Variants in HGFAC observed in about 807,000 individuals in gnomAD.
The protein encoded by HGFAC is HGF activator.
Under a neutral mutation model 70.6 loss-of-function variants are expected in HGFAC, and 76 were observed. The ratio of observed to expected loss-of-function variants is 1.08; its 90% confidence interval spans 0.89 to 1.30. The LOEUF (loss-of-function observed/expected upper bound fraction) is 1.30. Among genes scored for constraint, HGFAC ranks in the 50% most tolerant of loss-of-function variants. The probability of loss-of-function intolerance (pLI) is 0.00; values close to 1 mark genes in which losing one functional copy is unlikely to be tolerated. For missense variants in HGFAC, 1,044 were observed against 933.7 expected (o/e 1.12, Z -1.54); for synonymous variants, 464 against 405.3 (o/e 1.14, Z -1.74).
intron 11 of HGFAC, 96 bp from the exon 12 acceptor site, chr4:3,447,799 T>C: frequency 1.3e-6 from 2 of 1,547,606 alleles, no homozygotes; most frequent in East Asian, 4.5e-5. Context: ...GGCTGCCCTG[T>C]GGACCCCACT....
chr4:3,442,939 T>C (rs1577123120), intron 2 of HGFAC, 27 bp downstream of exon 2: 4 of 1,552,744 alleles, frequency 2.6e-6, no homozygotes, highest in Non-Finnish European at 3.5e-6. Flanking sequence ...TGGGAGGAGG[T>C]GTCGTGCTTC....
rs564795454 is a variant in HGFAC, at chr4:3,446,949, G to C, written c.1356-543G>C. 2.1e-3 allele frequency among the ~76,000 whole-genome samples: 326 copies of C among 152,338 alleles called. 2 individuals are homozygous for C. The highest frequency in any genetic ancestry group is 7.5e-3 in the African/African-American group (311 of 41,590). ...AGAACCTGCAGCCGGCGGCTCCTGG[G>C]CCTGCAAATGGGGCCAGAGCCTTCC... On this transcript the variant is annotated intron_variant, in intron 10 of 13. Coordinates refer to ENST00000382774, the MANE Select transcript of HGFAC (RefSeq NM_001528.4).
chr4:3,441,513 C>T (rs1383532611), upstream of HGFAC, among the ~76,000 whole-genome samples: 3 of 152,130 alleles, frequency 2.0e-5, no homozygotes, highest in Admixed American at 2.0e-4. The surrounding 1 kb of genome is among the most constrained non-coding windows in gnomAD (Gnocchi z 6.0). Context: ...CCCAGTGCTG[C>T]CGTCTGTGGG....
At chr4:3,447,166 T>C (rs1289542636) in intron 10 of HGFAC, among the ~76,000 whole-genome samples, 1 of 152,126 alleles carries the variant, frequency 6.6e-6, no homozygotes, top group Non-Finnish European at 1.5e-5. Flanking sequence ...AGGCCAGGTC[T>C]CCACCCACTC....
In HGFAC at chr4:3,447,939, T is replaced by C. The variant is rs1334234994; in HGVS notation, c.1540T>C (p.Ser514Pro). 1 of 1,607,150 alleles carries C rather than the reference T, an allele frequency of 6.2e-7. No homozygotes were observed. Among genetic ancestry groups the C allele is most frequent in the Non-Finnish European group, 8.5e-7 (1 of 1,177,476 alleles). Residue 514 changes from serine (S) to proline (P), a missense_variant, in exon 12 of 14, where the codon TCG becomes CCG. By Grantham distance (74) the Ser-to-Pro change is moderately conservative (BLOSUM62 -1). Coordinates refer to ENST00000382774, the MANE Select transcript of HGFAC (RefSeq NM_001528.4). The part of the protein sequence containing the change: ...KKKGDRCATR[S>P]QFVQPICLPE... ...GAAAGGGGACCGCTGTGCCACACGC[T>C]CGCAGTTCGTGCAGCCCATCTGCCT...
Position 3,442,750 on chromosome 4 carries a change from G to T in HGFAC, c.136G>T (p.Glu46Ter). 6.6e-7 allele frequency: 1 copy of T among 1,512,316 alleles called. No homozygotes were observed. The highest frequency in any genetic ancestry group is 8.8e-7 in the Non-Finnish European group (1 of 1,132,504). The allele number at this position is 1,512,316 out of a possible 1,614,324, so 93.7% of individuals were successfully genotyped here. ...QPGGNRTESPEPNATATPAIP... is the reference protein window; with the variant it reads ...QPGGNRTESP ...CTCCTAGAACCGTACGGAGTCCCCA[G>T]AACCTAATGCCACAGCGACCCCTGC... Residue 46 changes from glutamate to a stop codon, truncating the protein, a stop_gained, in exon 2 of 14, where the codon GAA (glutamate) becomes TAA (stop). Transcript: ENST00000382774. LOFTEE classifies it high-confidence loss of function.
Position 3,444,071 on chromosome 4 carries a change from C to T in HGFAC, c.508C>T (p.Leu170Phe), listed in dbSNP as rs760704550. Reference protein sequence around the residue: ...ALDPCASGPCLNGGSCSNTQD... With the variant: ...ALDPCASGPCFNGGSCSNTQD... ...GGATCCCTGTGCCTCCGGCCCCTGC[C>T]TCAATGGAGGCTCCTGCTCCAATAC... The change falls in exon 5 of 14, where the codon CTC becomes TTC. Residue 170 changes from leucine to phenylalanine, a missense_variant. By Grantham distance (22) the Leu-to-Phe change is conservative. Transcript: ENST00000382774. The T allele has an allele frequency of 1.6e-5, 26 of 1,610,744 alleles. No homozygotes were observed. The highest frequency in any genetic ancestry group is 2.0e-5 in the Non-Finnish European group (24 of 1,179,142).
At chr4:3,443,818 C>T (rs1725396271) in intron 4 of HGFAC, among the ~76,000 whole-genome samples, 1 of 152,038 alleles carries the variant, frequency 6.6e-6, no homozygotes, top group African/African-American at 2.4e-5. Context: ...GCCACGTGCA[C>T]AGCTGGGCCA....
chr4:3,443,246 G>C, intron 3 of HGFAC, 95 bp from the exon 4 acceptor site: 1 of 1,336,718 alleles, frequency 7.5e-7, no homozygotes. Context: ...CCACGCAGCA[G>C]GCGGACCCAG....
At chr4:3,446,389 C>A in intron 10 of HGFAC, 95 bp downstream of exon 10, 1 of 1,448,876 alleles carries the variant, frequency 6.9e-7, no homozygotes, top group Non-Finnish European at 9.2e-7. Context: ...CGGACCCCAT[C>A]CCGGTGCCTC....
rs755654965 is a variant in HGFAC at position 3,449,358 on chromosome 4, A to G, written c.1907A>G (p.Asn636Ser). 6.2e-7 allele frequency: 1 copy of G among 1,607,946 alleles called. No homozygotes were observed. The highest frequency in any genetic ancestry group is 1.7e-5 in the Admixed American group (1 of 59,512). Residue 636 changes from asparagine to serine, a missense_variant, in exon 14 of 14, where the codon AAC becomes AGC. Asn to Ser is a conservative substitution (Grantham distance 46). Transcript: ENST00000382774. ...CCGGGGGTCTACACCCGCGTGGCCAACTATGTGGACTGGATCAACGACCGG... is the reference window on the plus strand; with the variant it reads ...CCGGGGGTCTACACCCGCGTGGCCAGCTATGTGGACTGGATCAACGACCGG... ...HKPGVYTRVA[N>S]YVDWINDRIR... is the part of the protein sequence containing the mutation.
At position 3,447,932 on chromosome 4, in the gene HGFAC, C is replaced by A; in HGVS notation, c.1533C>A (p.Ala511=). Residue 511 remains alanine, a synonymous_variant, in exon 12 of 14, where the codon GCC becomes GCA. Coordinates refer to ENST00000382774, the MANE Select transcript of HGFAC (RefSeq NM_001528.4). Reference sequence around the variant, plus strand: ...TGAAGAAGAAAGGGGACCGCTGTGCCACACGCTCGCAGTTCGTGCAGCCCA... The same window carrying A: ...TGAAGAAGAAAGGGGACCGCTGTGCAACACGCTCGCAGTTCGTGCAGCCCA... ...IRLKKKGDRC[A]TRSQFVQPIC... is the part of the protein sequence containing the mutation. The A allele has an allele frequency of 2.5e-6, 4 of 1,608,430 alleles. No homozygotes were observed. Among genetic ancestry groups the A allele is most frequent in the Non-Finnish European group, 3.4e-6 (4 of 1,178,074 alleles).
At chr4:3,447,451 G>A in intron 10 of HGFAC, 41 bp from the exon 11 acceptor site, 1 of 1,607,356 alleles carries the variant, frequency 6.2e-7, no homozygotes, top group Non-Finnish European at 8.5e-7. Context: ...CGGTGGCTGG[G>A]GGAGGGCTGG....
chr4:3,447,750 G>A, intron 11 of HGFAC, 119 bp downstream of exon 11: 1 of 1,535,924 alleles, frequency 6.5e-7, no homozygotes, highest in South Asian at 1.2e-5. Context: ...TGGGGGCAGG[G>A]CAGGGAGGAC....
intron 9 of HGFAC, chr4:3,445,624 C>T (rs1187089774): frequency 2.5e-5 from 15 of 602,180 alleles, no homozygotes; most frequent in Non-Finnish European, 4.1e-5. Context: ...CCGCAGAAGC[C>T]TTTCAGGGAG....
chr4:3,444,771 G>A, intron 7 of HGFAC, 38 bp downstream of exon 7: 2 of 1,577,342 alleles, frequency 1.3e-6, no homozygotes, highest in Non-Finnish European at 8.6e-7. Flanking sequence ...CTGGGGCAGT[G>A]CCGGGTGGAC....
upstream of HGFAC, chr4:3,441,851 G>T: frequency 1.9e-6 from 1 of 520,202 alleles, no homozygotes; most frequent in Admixed American, 4.3e-5. The surrounding 1 kb of genome is among the most constrained non-coding windows in gnomAD (Gnocchi z 6.0). Context: ...CAGCAGGTGT[G>T]GGGGCCAGGG....
At chr4:3,445,424 C>G in intron 9 of HGFAC, 74 bp downstream of exon 9, 1 of 1,019,872 alleles carries the variant, frequency 9.8e-7, no homozygotes, top group South Asian at 1.4e-5. Flanking sequence ...TCCTCCTAGC[C>G]CCTCCGCACA....
Position 3,446,146 on chromosome 4 carries a change from T to C in HGFAC, c.1207T>C (p.Phe403Leu). 1 of 1,611,836 alleles carries C rather than the reference T, an allele frequency of 6.2e-7. No individual in the cohort carries two copies. Among genetic ancestry groups the C allele is most frequent in the Non-Finnish European group, 8.5e-7 (1 of 1,179,634 alleles). Residue 403 changes from phenylalanine to leucine, a missense_variant, in exon 10 of 14, where the codon TTC becomes CTC. Phe to Leu is a conservative substitution (Grantham distance 22). Coordinates refer to ENST00000382774, the MANE Select transcript of HGFAC (RefSeq NM_001528.4). ...ACGRRHKKRT[F>L]LRPRIIGGSS... is the part of the protein sequence containing the mutation. ...CGGCAGGAGGCACAAGAAGAGGACG[T>C]TCCTGCGGCCACGTATCATCGGCGG...
Sources: gnomAD v4.1 joint callset for allele counts (sites outside exome capture counted in the v4.1 genomes callset) on GRCh38, gnomAD v4.1.1 for gene constraint, Gnocchi (gnomAD v3.1) non-coding constraint, MANE v1.5 for transcripts, NCBI Gene and HGNC (gene_info 2026-07-23, HGNC 2026-07-21) for gene names.